Variants in RAB28 observed in about 807,000 individuals in gnomAD.
The protein encoded by RAB28 is RAB28, member RAS oncogene family, also known as ras-related protein Rab-28.
RAB28 carries 24 observed loss-of-function variants against 31.7 expected under a neutral mutation model. The ratio of observed to expected loss-of-function variants is 0.76; its 90% CI spans 0.55 to 1.06. The LOEUF (loss-of-function observed/expected upper bound fraction) is 1.06. Ranked by LOEUF, RAB28 falls within the 50% of genes least tolerant of loss-of-function variation. The pLI is 0.00. For missense variants in RAB28, 254 were observed against 258.5 expected (o/e 0.98, Z 0.12); for synonymous variants, 100 against 90.4 (o/e 1.11, Z -0.60).
At chr4:13,421,146 C>T (rs1011303526) in intron 4 of RAB28, among the ~76,000 whole-genome samples, 2 of 152,096 alleles carry the variant, frequency 1.3e-5, no homozygotes, top group East Asian at 1.9e-4. Flanking sequence ...GAGTGAACTC[C>T]CATTCACAAT....
intron 5 of RAB28, among the ~76,000 whole-genome samples, chr4:13,379,602 G>T (rs541359271): frequency 6.6e-6 from 1 of 152,250 alleles, no homozygotes; most frequent in South Asian, 2.1e-4. Context: ...TGCTAGGGTT[G>T]AGAATGGTTG....
intron 3 of RAB28, among the ~76,000 whole-genome samples, chr4:13,468,188 A>T (rs1426348814): frequency 1.3e-5 from 2 of 151,976 alleles, no homozygotes; most frequent in African/African-American, 2.4e-5. Context: ...TTCATTAAGC[A>T]AACAGAAAAT....
intron 4 of RAB28, among the ~76,000 whole-genome samples, chr4:13,386,496 A>G (rs913186527): frequency 9.2e-5 from 14 of 152,166 alleles, no homozygotes; most frequent in African/African-American, 3.4e-4. Flanking sequence ...TCCAACTAAC[A>G]TGAAAAAAAG....
intron 1 of RAB28, among the ~76,000 whole-genome samples, chr4:13,482,291 A>C (rs976832926): frequency 5.3e-5 from 8 of 152,190 alleles, no homozygotes; most frequent in Non-Finnish European, 8.8e-5. Flanking sequence ...GCTAAATAAA[A>C]AACTCAGACG....
intron 4 of RAB28, among the ~76,000 whole-genome samples, chr4:13,453,620 GGTTTT>G (rs1715093768): frequency 6.6e-6 from 1 of 151,836 alleles, no homozygotes; most frequent in South Asian, 2.1e-4. Flanking sequence ...TTGGCTGACG[GGTTTT>G]TTTTTTCTTT....
chr4:13,399,144 C>A (rs1711605828), intron 4 of RAB28, among the ~76,000 whole-genome samples: 1 of 152,158 alleles, frequency 6.6e-6, no homozygotes, highest in East Asian at 1.9e-4. Context: ...CCACAACTCA[C>A]CCCCAAGGCA....
rs551203059 is a variant in RAB28, at chr4:13,423,491, A to G, written c.391+37208T>C. On this transcript the variant is annotated intron_variant, in intron 4 of 6. Transcript: ENST00000330852. ...CAAGTGAAACTCCGTCTCGGGGGGG[A>G]AAAAAAAAGGTGAGAATAAGTCAAA... Among the ~76,000 whole-genome samples the G allele has an allele frequency of 1.5e-4, 22 of 144,034 alleles. 1 individual carries two copies. The East Asian group carries it at 1.8e-3, about 11-fold the overall frequency. The allele number at this position is 144,034 out of a possible 152,430, so 94.5% of individuals were successfully genotyped here.
chr4:13,462,313 G>C (rs1415492163), intron 3 of RAB28, among the ~76,000 whole-genome samples: 2 of 152,058 alleles, frequency 1.3e-5, no homozygotes, highest in Non-Finnish European at 2.9e-5. Context: ...GAGTTGGGGA[G>C]GTCACCATTA....
rs10003958 is a variant in RAB28 at position 13,368,684 on chromosome 4, T to C, written c.574-34A>G. On this transcript the variant is annotated intron_variant, in intron 6 of 6. Transcript: ENST00000330852. Reference sequence around the variant, plus strand: ...AAAGAAAACAGAGTTATTATCAGGATATCAGAACATTTAGAAAGAGCTCCT... The same window carrying C: ...AAAGAAAACAGAGTTATTATCAGGACATCAGAACATTTAGAAAGAGCTCCT... 75,085 of 1,560,118 alleles carry C rather than the reference T, an allele frequency of 0.048. 3,446 individuals are homozygous for C. Among genetic ancestry groups the C allele is most frequent in the African/African-American group, 0.24 (17,715 of 72,666 alleles).
intron 4 of RAB28, among the ~76,000 whole-genome samples, chr4:13,433,714 G>A (rs1035043743): frequency 1.3e-5 from 2 of 151,988 alleles, no homozygotes; most frequent in African/African-American, 4.8e-5. Flanking sequence ...TGGTGGGAAC[G>A]GAAATTAATT....
At chr4:13,387,689 A>G (rs1729437571) in intron 4 of RAB28, among the ~76,000 whole-genome samples, 1 of 152,086 alleles carries the variant, frequency 6.6e-6, no homozygotes, top group African/African-American at 2.4e-5. Flanking sequence ...TGAAGAAAAT[A>G]GCTGTCTGTG....
intron 4 of RAB28, among the ~76,000 whole-genome samples, chr4:13,399,462 G>C (rs1711622218): frequency 6.6e-6 from 1 of 152,182 alleles, no homozygotes; most frequent in African/African-American, 2.4e-5. Flanking sequence ...ATACATAGCA[G>C]AGAACTGCTG....
At chr4:13,417,981 G>A (rs73229675) in intron 4 of RAB28, among the ~76,000 whole-genome samples, 2,095 of 152,224 alleles carry the variant, frequency 0.014, 24 homozygotes, top group Middle Eastern at 0.044. Context: ...CGAGCCCCTC[G>A]CAAGGAAGCT....
chr4:13,400,473 C>T (rs1193153411), intron 4 of RAB28, among the ~76,000 whole-genome samples: 2 of 152,066 alleles, frequency 1.3e-5, no homozygotes, highest in African/African-American at 4.8e-5. Flanking sequence ...TGTTTGCTGT[C>T]TTTCATTTAG....
chr4:13,415,514 G>A (rs1712716339), intron 4 of RAB28, among the ~76,000 whole-genome samples: 1 of 152,222 alleles, frequency 6.6e-6, no homozygotes, highest in African/African-American at 2.4e-5. Context: ...TGCCGGCCCG[G>A]GCAATGAGGA....
chr4:13,410,363 G>T (rs955555531), intron 4 of RAB28, among the ~76,000 whole-genome samples: 1 of 152,048 alleles, frequency 6.6e-6, no homozygotes, highest in Non-Finnish European at 1.5e-5. Flanking sequence ...ACGGATAAGG[G>T]TCTTAGTTTG....
chr4:13,461,230 G>A (rs914995535), intron 3 of RAB28, among the ~76,000 whole-genome samples: 2 of 152,158 alleles, frequency 1.3e-5, no homozygotes, highest in African/African-American at 4.8e-5. Context: ...ATCATCTGCT[G>A]CTACTCTTTT....
In RAB28 at chr4:13,466,977, C is replaced by G. The variant is rs557699138; in HGVS notation, c.262-6149G>C. Among the ~76,000 whole-genome samples, 3 of 151,508 alleles carry G rather than the reference C, an allele frequency of 2.0e-5. No individual in the cohort carries two copies. In the East Asian group the frequency reaches 5.8e-4, roughly 29 times the overall value. On this transcript the variant is annotated intron_variant, in intron 3 of 6. Transcript: ENST00000330852. ...TCACTTATGTGAAATCTGAAGTAAT[C>G]AAACTCACAGAAGTAGGGAGTAGAC...
chr4:13,457,303 A>G (rs1304569838), intron 4 of RAB28, among the ~76,000 whole-genome samples: 1 of 152,170 alleles, frequency 6.6e-6, no homozygotes, highest in East Asian at 1.9e-4. Context: ...ATAAGTACAT[A>G]CTATTATACC....
Sources: allele counts gnomAD v4.1 joint callset (sites outside exome capture counted in the v4.1 genomes callset), GRCh38; gene constraint gnomAD v4.1.1; transcripts MANE v1.5; gene names NCBI Gene and HGNC (gene_info 2026-07-23, HGNC 2026-07-21).